KHDRBS2: variants seen among roughly 807,000 people sequenced by gnomAD.
KHDRBS2 encodes KH domain-containing, RNA-binding, signal transduction-associated protein 2.
Under a neutral mutation model 44.3 loss-of-function variants are expected in KHDRBS2, and 26 were observed. The observed-to-expected ratio is 0.59, with a 90% CI of 0.43 to 0.81. The LOEUF (loss-of-function observed/expected upper bound fraction) is 0.81. Ranked by LOEUF, KHDRBS2 falls within the 40% of genes least tolerant of loss-of-function variation. The pLI is 0.00. For synonymous variants in KHDRBS2, 194 were observed against 151.1 expected (o/e 1.28, Z -2.08); for missense variants, 476 against 433.1 (o/e 1.10, Z -0.88).
At chr6:62,092,921 A>T (rs1253410528) in intron 2 of KHDRBS2, among the ~76,000 whole-genome samples, 3 of 152,094 alleles carry the variant, frequency 2.0e-5, no homozygotes, top group East Asian at 1.9e-4. Flanking sequence ...ACCATCAAGA[A>T]TCATCAGACA....
At chr6:61,899,354 T>A (rs189046287) in intron 5 of KHDRBS2, among the ~76,000 whole-genome samples, 12 of 152,072 alleles carry the variant, frequency 7.9e-5, no homozygotes, top group Admixed American at 5.9e-4. Flanking sequence ...CTGTTTCATT[T>A]CCTTTCGTTA....
At chr6:62,107,623 C>T (rs1380648236) in intron 2 of KHDRBS2, among the ~76,000 whole-genome samples, 2 of 152,256 alleles carry the variant, frequency 1.3e-5, no homozygotes, top group Middle Eastern at 3.4e-3. Flanking sequence ...CAAAAAAGAG[C>T]CCGCATCGCC....
intron 8 of KHDRBS2, among the ~76,000 whole-genome samples, chr6:61,695,369 T>C (rs966946766): frequency 6.6e-6 from 1 of 152,154 alleles, no homozygotes; most frequent in African/African-American, 2.4e-5. Flanking sequence ...CAGATGACAA[T>C]ATAAGTGTGC....
At chr6:61,877,231 C>T (rs752482976) in intron 6 of KHDRBS2, among the ~76,000 whole-genome samples, 6 of 151,762 alleles carry the variant, frequency 4.0e-5, no homozygotes, top group Admixed American at 6.6e-5. Context: ...TTTTCTTGTT[C>T]GGATCTGGCT....
At chr6:61,965,099 A>G (rs902210417) in intron 4 of KHDRBS2, among the ~76,000 whole-genome samples, 7 of 152,048 alleles carry the variant, frequency 4.6e-5, no homozygotes, top group African/African-American at 1.7e-4. Context: ...TTGGCTTTCT[A>G]GGGCTGAGAT....
chr6:61,876,830 G>A (rs936332208), intron 6 of KHDRBS2, among the ~76,000 whole-genome samples: 3 of 151,988 alleles, frequency 2.0e-5, no homozygotes, highest in African/African-American at 7.2e-5. Flanking sequence ...GAAATAAGTG[G>A]CCTTGGGTAA....
At chr6:61,775,268 C>T (rs1382585697) in intron 6 of KHDRBS2, among the ~76,000 whole-genome samples, 6 of 151,992 alleles carry the variant, frequency 3.9e-5, no homozygotes, top group African/African-American at 1.2e-4. Flanking sequence ...TCGTACTAAA[C>T]ATAGTATTGG....
At chr6:61,655,907 A>AT in the KHDRBS2 span, among the ~76,000 whole-genome samples, 1 of 152,016 alleles carries the variant, frequency 6.6e-6, no homozygotes, top group Non-Finnish European at 1.5e-5. Context: ...GACCAGAGGT[A>AT]TTTTGATAAA....
intron 2 of KHDRBS2, among the ~76,000 whole-genome samples, chr6:62,161,578 G>GA (rs998029505): frequency 7.6e-6 from 1 of 131,296 alleles, no homozygotes; most frequent in Non-Finnish European, 1.6e-5. Context: ...ATTTGCGGGG[G>GA]GGGGGGGGGT....
intron 7 of KHDRBS2, among the ~76,000 whole-genome samples, chr6:61,699,536 G>A (rs1224350646): frequency 1.3e-5 from 2 of 151,884 alleles, no homozygotes; most frequent in Admixed American, 6.6e-5. Flanking sequence ...TGAGGGTAGG[G>A]GATAGATGCC....
intron 2 of KHDRBS2, among the ~76,000 whole-genome samples, chr6:62,049,352 C>G (rs760436772): frequency 1.4e-4 from 22 of 151,876 alleles, no homozygotes; most frequent in Admixed American, 2.6e-4. Flanking sequence ...CTCTTTCACA[C>G]GTAGGCAAAC....
chr6:62,059,547 A>T (rs1041121119), intron 2 of KHDRBS2, among the ~76,000 whole-genome samples: 3 of 151,800 alleles, frequency 2.0e-5, no homozygotes, highest in African/African-American at 7.2e-5. Flanking sequence ...AGTAATCAAA[A>T]TAAATTCTAA....
At chr6:61,914,562 G>T (rs1385585943) in intron 4 of KHDRBS2, among the ~76,000 whole-genome samples, 2 of 151,910 alleles carry the variant, frequency 1.3e-5, no homozygotes, top group Non-Finnish European at 2.9e-5. Context: ...TAATGTAAAT[G>T]ACGAGTTAAT....
intron 3 of KHDRBS2, among the ~76,000 whole-genome samples, chr6:62,033,160 C>T (rs1784654530): frequency 6.6e-6 from 1 of 151,656 alleles, no homozygotes; most frequent in Non-Finnish European, 1.5e-5. Flanking sequence ...TTTGAAAATA[C>T]CCAAACAGAG....
chr6:62,040,292 G>T (rs888927483), intron 3 of KHDRBS2, among the ~76,000 whole-genome samples: 10 of 152,000 alleles, frequency 6.6e-5, no homozygotes, highest in South Asian at 6.2e-4. Flanking sequence ...TGATCAATCT[G>T]CGCTTATCGC....
chr6:61,996,213 C>T (rs1777144318), intron 3 of KHDRBS2, among the ~76,000 whole-genome samples: 1 of 152,010 alleles, frequency 6.6e-6, no homozygotes, highest in South Asian at 2.1e-4. Flanking sequence ...AATGAAATCT[C>T]CAATTAGAGC....
At chr6:61,558,717 T>C in the KHDRBS2 span, among the ~76,000 whole-genome samples, 3 of 152,222 alleles carry the variant, frequency 2.0e-5, no homozygotes, top group African/African-American at 7.2e-5. Context: ...CATTTGTTTG[T>C]ATAGTTTCCA....
chr6:61,820,808 T>G (rs569939471), intron 6 of KHDRBS2, among the ~76,000 whole-genome samples: 47 of 152,166 alleles, frequency 3.1e-4, no homozygotes, highest in Admixed American at 1.4e-3. Flanking sequence ...GTCAAACTAT[T>G]TATTAGGTCT....
At chr6:62,063,942 C>CA (rs1302686512) in intron 2 of KHDRBS2, among the ~76,000 whole-genome samples, 4 of 146,078 alleles carry the variant, frequency 2.7e-5, no homozygotes, top group African/African-American at 7.6e-5. Context: ...TCTCAGGATA[C>CA]AAAATCAATG....
Sources: allele counts gnomAD v4.1 joint callset (sites outside exome capture counted in the v4.1 genomes callset), GRCh38; gene constraint gnomAD v4.1.1; transcripts MANE v1.5; gene names NCBI Gene and HGNC (gene_info 2026-07-23, HGNC 2026-07-21).